The following MGST1 variants were observed in gnomAD, a reference collection of about 807,000 sequenced individuals.
MGST1 encodes microsomal glutathione S-transferase 1.
Under a neutral mutation model 8.9 loss-of-function variants are expected in MGST1, and 5 were observed. The observed-to-expected ratio is 0.56, with a 90% confidence interval of 0.29 to 1.19. The LOEUF (loss-of-function observed/expected upper bound fraction) is 1.19. Among genes scored for constraint, MGST1 ranks in the 50% most tolerant of loss-of-function variants. MGST1 has a pLI of 0.08. For missense variants in MGST1, 182 were observed against 187.4 expected, an observed-to-expected ratio of 0.97 and a Z score of 0.17; for synonymous variants, 54 against 67.8, an observed-to-expected ratio of 0.80 and a Z score of 1.00.
intron 1 of MGST1, among the ~76,000 whole-genome samples, chr12:16,405,264 A>G (rs931694687): frequency 2.0e-4 from 30 of 152,122 alleles, no homozygotes; most frequent in African/African-American, 6.8e-4. Context: ...TCGTGGAGAA[A>G]TTAATAGGAT....
intron 4 of MGST1, among the ~76,000 whole-genome samples, chr12:16,510,602 T>C (rs1452196031): frequency 6.6e-6 from 1 of 152,234 alleles, no homozygotes; most frequent in East Asian, 1.9e-4. Context: ...AAAACTTACA[T>C]TAAACATTTC....
intron 4 of MGST1, among the ~76,000 whole-genome samples, chr12:16,495,071 T>C (rs1941461421): frequency 1.3e-5 from 2 of 152,170 alleles, no homozygotes; most frequent in African/African-American, 4.8e-5. Flanking sequence ...TTTGTTTCTT[T>C]AATATAAAAT....
chr12:16,414,622 A>G (rs1036334159), intron 1 of MGST1, among the ~76,000 whole-genome samples: 1 of 151,574 alleles, frequency 6.6e-6, no homozygotes, highest in Non-Finnish European at 1.5e-5. Flanking sequence ...TCATCATGTT[A>G]GCCAGGATAG....
At chr12:16,461,118 C>T (rs960689736) in intron 4 of MGST1, among the ~76,000 whole-genome samples, 2 of 149,170 alleles carry the variant, frequency 1.3e-5, no homozygotes, top group African/African-American at 5.0e-5. Flanking sequence ...TTGGAGACAA[C>T]TAAGTTAAGA....
intron 4 of MGST1, among the ~76,000 whole-genome samples, chr12:16,518,712 T>C (rs186422881): frequency 6.6e-6 from 1 of 152,270 alleles, no homozygotes; most frequent in African/African-American, 2.4e-5. Flanking sequence ...AGAACAATTA[T>C]CGGTTTTGTT....
At chr12:16,462,481 T>C (rs952701515) in intron 4 of MGST1, among the ~76,000 whole-genome samples, 6 of 152,110 alleles carry the variant, frequency 3.9e-5, no homozygotes, top group African/African-American at 1.4e-4. Context: ...CTCTAAGTCT[T>C]TATGAAACCC....
At chr12:16,533,135 T>C (rs1458184439) in intron 4 of MGST1, among the ~76,000 whole-genome samples, 1 of 152,202 alleles carries the variant, frequency 6.6e-6, no homozygotes, top group African/African-American at 2.4e-5. Context: ...GATTTTCTGG[T>C]TTTGCTTCAT....
At chr12:16,529,470 G>A (rs1229937795) in intron 4 of MGST1, among the ~76,000 whole-genome samples, 2 of 151,934 alleles carry the variant, frequency 1.3e-5, no homozygotes, top group Non-Finnish European at 1.5e-5. Context: ...CCTTCATCTG[G>A]GAGTACCTGG....
chr12:16,507,864 T>C (rs1941549820), intron 4 of MGST1, among the ~76,000 whole-genome samples: 1 of 151,970 alleles, frequency 6.6e-6, no homozygotes, highest in Non-Finnish European at 1.5e-5. Context: ...CAACACGAGA[T>C]TTGGGTGGGG....
chr12:16,393,596 TA>T (rs1322609435), intron 1 of MGST1, among the ~76,000 whole-genome samples: 5 of 152,212 alleles, frequency 3.3e-5, no homozygotes, highest in Non-Finnish European at 7.3e-5. Flanking sequence ...TGGATGTAAT[TA>T]AAACGGTTAT....
At chr12:16,479,821 C>T (rs1341730060) in intron 4 of MGST1, among the ~76,000 whole-genome samples, 1 of 152,168 alleles carries the variant, frequency 6.6e-6, no homozygotes, top group Non-Finnish European at 1.5e-5. Flanking sequence ...TAGGCCTGAG[C>T]CACTGCACCT....
intron 4 of MGST1, among the ~76,000 whole-genome samples, chr12:16,481,707 G>GA (rs1941365693): frequency 6.6e-6 from 1 of 151,700 alleles, no homozygotes; most frequent in Admixed American, 6.6e-5. Context: ...AGCACAAAGA[G>GA]AAAAAGGGAT....
At position 16,357,681 on chromosome 12, in the gene MGST1, G is replaced by A. The variant is rs141777199; in HGVS notation, c.203G>A (p.Arg68Lys). 9.9e-4 allele frequency: 1,602 copies of A among 1,613,662 alleles called. 1 individual carries two copies. The highest frequency in any genetic ancestry group is 1.3e-3 in the Non-Finnish European group (1,521 of 1,179,804). ...AAGAAGTATCTTCGAACAGATGACA[G>A]AGTAGAACGTGTACGCAGGTAAACC... is the stretch of plus-strand genomic sequence containing the variant. ...NAKKYLRTDD[R>K]VERVRRAHLN... The change falls in exon 3 of 4, where the codon AGA (arginine) becomes AAA (lysine). Residue 68 changes from arginine (R) to lysine (K), a missense_variant. Physicochemically the swap from Arg to Lys is conservative, Grantham distance 26. Coordinates refer to ENST00000396210, the MANE Select transcript of MGST1 (RefSeq NM_020300.5).
intron 4 of MGST1, among the ~76,000 whole-genome samples, chr12:16,523,826 A>G (rs74789292): frequency 0.16 from 24,662 of 152,058 alleles, 2,359 homozygotes; most frequent in African/African-American, 0.26. Context: ...AAGAGAAGAG[A>G]TCTCAGAATG....
In MGST1 at chr12:16,479,258, G is replaced by T. The variant is rs1487573717; in HGVS notation, n.482+95654G>T. ...ATCTTTTTTTTTTTTTTTTTTTGAC[G>T]GAGTCTCGCTCTGTCGCCCAGGCTG... is the stretch of plus-strand genomic sequence containing the variant. On this transcript the variant is annotated intron_variant and non_coding_transcript_variant, in intron 4 of 4. Coordinates refer to the MGST1 transcript ENST00000538857. Among the ~76,000 whole-genome samples, 4 of 30,154 alleles carry T rather than the reference G, an allele frequency of 1.3e-4. No homozygotes were observed. The East Asian group carries it at 2.0e-3, about 15-fold the overall frequency. 19.8% of individuals were successfully genotyped at this position (30,154 alleles called of 152,430 possible). A position where few individuals can be genotyped will look rare whatever the true frequency, so the allele number is the denominator to read the frequency against.
chr12:16,408,030 CAAAAA>C (rs200073692), intron 1 of MGST1, among the ~76,000 whole-genome samples: 1 of 44,098 alleles, frequency 2.3e-5, no homozygotes, highest in Admixed American at 2.1e-4. Context: ...GACTCTGTCT[CAAAAA>C]AAAAAAAAAA....
rs952163952 is a variant in MGST1 at position 16,412,656 on chromosome 12, T to C, written n.779-24732T>C. On this transcript the variant is annotated intron_variant and non_coding_transcript_variant, in intron 1 of 1. Transcript: ENST00000359720. ...AGTTTTTTCCATGCTGTTCTCATGGTAGTGAATAAATCTCATGAGATCCGA... is the reference window on the plus strand; with the variant it reads ...AGTTTTTTCCATGCTGTTCTCATGGCAGTGAATAAATCTCATGAGATCCGA... Among the ~76,000 whole-genome samples the C allele has an allele frequency of 3.3e-5, 5 of 152,098 alleles. No homozygotes were observed. The East Asian group carries it at 9.6e-4, about 29-fold the overall frequency.
intron 4 of MGST1, among the ~76,000 whole-genome samples, chr12:16,461,713 G>A (rs1176468444): frequency 6.6e-6 from 1 of 152,070 alleles, no homozygotes; most frequent in African/African-American, 2.4e-5. Context: ...ATTAATATGT[G>A]TCTCAATTAT....
At chr12:16,541,004 T>G (rs1941789951) in intron 4 of MGST1, among the ~76,000 whole-genome samples, 1 of 152,198 alleles carries the variant, frequency 6.6e-6, no homozygotes, top group African/African-American at 2.4e-5. Context: ...TTAATTGATT[T>G]CACAAATTTG....
Sources: gnomAD v4.1 joint callset for allele counts (sites outside exome capture counted in the v4.1 genomes callset) on GRCh38, gnomAD v4.1.1 for gene constraint, MANE v1.5 for transcripts, NCBI Gene and HGNC (gene_info 2026-07-23, HGNC 2026-07-21) for gene names.